Variants in MID2 observed in about 807,000 individuals in gnomAD.
MID2 encodes probable E3 ubiquitin-protein ligase MID2.
A neutral mutation model predicts 46.1 loss-of-function variants in MID2; 13 were observed. That is an observed-to-expected ratio of 0.28 (90% CI 0.18 to 0.45). MID2 has a LOEUF of 0.45. Among genes scored for constraint, MID2 ranks in the 20% least tolerant of loss-of-function variants. The pLI, the probability that MID2 is intolerant of heterozygous loss-of-function variation, is 1.00. For missense variants in MID2, 431 were observed against 575.4 expected, an observed-to-expected ratio of 0.75 and a Z score of 2.57; for synonymous variants, 199 against 212.3, an observed-to-expected ratio of 0.94 and a Z score of 0.55.
At chrX:107,880,483 A>G (rs1384343776) in intron 3 of MID2, among the ~76,000 whole-genome samples, 2 of 111,072 alleles carry the variant, frequency 1.8e-5, no homozygotes, top group African/African-American at 3.3e-5. Flanking sequence ...GCCATTGGGA[A>G]GTGGTTCTCT....
chrX:107,838,408 T>C (rs1417612420), intron 1 of MID2, among the ~76,000 whole-genome samples: 1 of 112,246 alleles, frequency 8.9e-6, no homozygotes, highest in Non-Finnish European at 1.9e-5. Context: ...TGAACGTTGA[T>C]AGATGTTATA....
intron 3 of MID2, among the ~76,000 whole-genome samples, chrX:107,870,801 T>C (rs1212668153): frequency 2.9e-5 from 3 of 103,827 alleles, no homozygotes; most frequent in Non-Finnish European, 5.9e-5. Flanking sequence ...GTTATCAGCA[T>C]ACTATTGTCT....
chrX:107,826,255 G>A lies in MID2; in HGVS notation c.-172G>A. ...ATCCCGGCTGCTGCGCGGCGTCGGC[G>A]ACGGTAGCGGCAGCGGCGGCGAAGG... is the stretch of plus-strand genomic sequence containing the variant. On this transcript the variant is annotated 5_prime_UTR_variant, in exon 1 of 10. Transcript: ENST00000262843. The A allele has an allele frequency of 2.2e-6, 1 of 447,680 alleles. No homozygotes were observed. The highest frequency in any genetic ancestry group is 1.2e-4 in the South Asian group (1 of 8,405). 36.9% of individuals were successfully genotyped at this position (447,680 alleles called of 1,213,427 possible). A position where few individuals can be genotyped will look rare whatever the true frequency, so the allele number is the denominator to read the frequency against.
At chrX:107,865,684 G>A (rs1330995313) in intron 3 of MID2, among the ~76,000 whole-genome samples, 2 of 112,220 alleles carry the variant, frequency 1.8e-5, no homozygotes, top group African/African-American at 6.5e-5. Context: ...CTTTCCTTGA[G>A]AGAAGGTTTT....
intron 3 of MID2, among the ~76,000 whole-genome samples, chrX:107,874,385 A>G (rs186007782): frequency 3.3e-4 from 37 of 112,471 alleles, no homozygotes; most frequent in Non-Finnish European, 9.4e-5. Context: ...GTTATTCCCC[A>G]TGGTTAACTT....
At chrX:107,866,845 C>T (rs1352682645) in intron 3 of MID2, among the ~76,000 whole-genome samples, 1 of 112,339 alleles carries the variant, frequency 8.9e-6, no homozygotes, top group Non-Finnish European at 1.9e-5. Context: ...TGTTTATTAA[C>T]ACTTAATGTG....
At chrX:107,849,983 G>C (rs988780978) in intron 2 of MID2, among the ~76,000 whole-genome samples, 4 of 111,752 alleles carry the variant, frequency 3.6e-5, no homozygotes, top group African/African-American at 1.3e-4. Flanking sequence ...AATCTCCCCT[G>C]CCACTTTGGC....
intron 2 of MID2, among the ~76,000 whole-genome samples, chrX:107,843,509 G>A (rs1260248884): frequency 9.0e-6 from 1 of 111,712 alleles, no homozygotes; most frequent in African/African-American, 3.3e-5. Context: ...CATATTTTAG[G>A]AAATGTGCAG....
At chrX:107,838,563 T>G (rs1352841808) in intron 1 of MID2, among the ~76,000 whole-genome samples, 1 of 112,438 alleles carries the variant, frequency 8.9e-6, no homozygotes, top group African/African-American at 3.2e-5. Flanking sequence ...ATTCTTCACT[T>G]TTATAACCTC....
intron 1 of MID2, among the ~76,000 whole-genome samples, chrX:107,840,354 G>A (rs1003214563): frequency 2.7e-5 from 3 of 112,234 alleles, no homozygotes; most frequent in African/African-American, 9.7e-5. Flanking sequence ...GAAAAGAGAT[G>A]TCAGTGGAGA....
At chrX:107,873,518 T>A in intron 3 of MID2, among the ~76,000 whole-genome samples, 1 of 112,099 alleles carries the variant, frequency 8.9e-6, no homozygotes, top group Admixed American at 9.4e-5. Flanking sequence ...GTCAGCAGCC[T>A]GTAGATGAAG....
chrX:107,891,159 C>A (rs1255708341), intron 3 of MID2, among the ~76,000 whole-genome samples: 2 of 110,947 alleles, frequency 1.8e-5, no homozygotes, highest in East Asian at 5.6e-4. Flanking sequence ...TGAGATGAAC[C>A]CAGTACCTCA....
intron 3 of MID2, among the ~76,000 whole-genome samples, chrX:107,903,013 A>G (rs1460792582): frequency 9.0e-6 from 1 of 111,702 alleles, no homozygotes; most frequent in Non-Finnish European, 1.9e-5. Flanking sequence ...TAGTTGTGTG[A>G]TTTTTGAGCA....
At chrX:107,913,475 T>G (rs952193058) in intron 5 of MID2, among the ~76,000 whole-genome samples, 1 of 112,195 alleles carries the variant, frequency 8.9e-6, no homozygotes, top group East Asian at 2.8e-4. Flanking sequence ...ATTTTGAAAT[T>G]TAATGCTAAT....
At chrX:107,875,873 C>A (rs1932187855) in intron 3 of MID2, among the ~76,000 whole-genome samples, 1 of 111,727 alleles carries the variant, frequency 9.0e-6, no homozygotes, top group South Asian at 3.8e-4. Context: ...ACTTTCCTCC[C>A]TTTGATTTTC....
At chrX:107,861,912 G>A in intron 3 of MID2, among the ~76,000 whole-genome samples, 1 of 111,829 alleles carries the variant, frequency 8.9e-6, no homozygotes. Flanking sequence ...TCCTAAAAAT[G>A]GTATGTACGT....
chrX:107,888,219 G>A (rs1320333624), intron 3 of MID2, among the ~76,000 whole-genome samples: 7 of 111,270 alleles, frequency 6.3e-5, no homozygotes, highest in Non-Finnish European at 1.3e-4. Context: ...GTGATGTTAG[G>A]GTGTCAATTT....
At chrX:107,871,782 T>G (rs759010662) in intron 3 of MID2, among the ~76,000 whole-genome samples, 2 of 111,351 alleles carry the variant, frequency 1.8e-5, no homozygotes, top group Non-Finnish European at 3.8e-5. Flanking sequence ...GTCAAGCTGC[T>G]TCTTTCCAAC....
intron 5 of MID2, among the ~76,000 whole-genome samples, chrX:107,908,163 A>G (rs1932852753): frequency 8.9e-6 from 1 of 112,269 alleles, no homozygotes; most frequent in African/African-American, 3.2e-5. Flanking sequence ...GCATGACCTT[A>G]CATTTCTAAA....
Sources: allele counts gnomAD v4.1 joint callset (sites outside exome capture counted in the v4.1 genomes callset), GRCh38; gene constraint gnomAD v4.1.1; transcripts MANE v1.5; gene names NCBI Gene and HGNC (gene_info 2026-07-23, HGNC 2026-07-21).